Variants in OR56A3 observed in about 807,000 individuals in gnomAD.
OR56A3 encodes olfactory receptor 56A3.
A neutral mutation model predicts 17.5 loss-of-function variants in OR56A3; 23 were observed. The ratio of observed to expected loss-of-function variants is 1.32; its 90% CI spans 0.95 to 1.87. The LOEUF (loss-of-function observed/expected upper bound fraction) is 1.87, where lower values mean the gene tolerates loss of function less well. Ranked by LOEUF, OR56A3 falls within the 40% of genes most tolerant of loss-of-function variation. OR56A3 has a pLI of 0.00. For missense variants in OR56A3, 366 were observed against 380.1 expected, an observed-to-expected ratio of 0.96 and a Z score of 0.31; for synonymous variants, 175 against 150.6, an observed-to-expected ratio of 1.16 and a Z score of -1.19.
rs1847904122 is a variant in OR56A3, at chr11:5,950,929, T to C, written c.*2635T>C. 1 of 152,142 alleles carries C rather than the reference T, an allele frequency of 6.6e-6. No individual in the cohort carries two copies. The highest frequency in any genetic ancestry group is 1.5e-5 in the Non-Finnish European group (1 of 67,990). The allele number at this position is 152,142 out of a possible 1,614,324, so 9.4% of individuals were successfully genotyped here. Reference sequence around the variant, plus strand: ...ATAAAGTTAATTAGAAAATATGTATTCTTCTTGAAATACATCTTATAATAC... The same window carrying C: ...ATAAAGTTAATTAGAAAATATGTATCCTTCTTGAAATACATCTTATAATAC... On this transcript the variant is annotated 3_prime_UTR_variant, in exon 3 of 3. Coordinates refer to ENST00000641160, the MANE Select transcript of OR56A3 (RefSeq NM_001003443.3).
chr11:5,968,362 TG>T, the OR56A3 span: 19 of 1,613,744 alleles, frequency 1.2e-5, no homozygotes, highest in Admixed American at 1.7e-5. Flanking sequence ...AGGGTGGCAT[TG>T]GCCCCCATGG....
the OR56A3 span, among the ~76,000 whole-genome samples, chr11:5,991,150 A>G: frequency 6.6e-6 from 1 of 152,244 alleles, no homozygotes; most frequent in African/African-American, 2.4e-5. Flanking sequence ...TTCCAAAGAT[A>G]TGAAACATGA....
At chr11:5,964,434 C>T in the OR56A3 span, among the ~76,000 whole-genome samples, 2 of 152,184 alleles carry the variant, frequency 1.3e-5, no homozygotes, top group African/African-American at 4.8e-5. Flanking sequence ...GTCCCTAAGC[C>T]TGTAATCCCT....
In OR56A3 at chr11:5,948,405, T is replaced by C. The variant is rs1315023067; in HGVS notation, c.*111T>C. ...ACTTATAACCTCAAACTGGGTACAC[T>C]AGATATTGTGTGTGCTTTTCAAAAA... On this transcript the variant is annotated 3_prime_UTR_variant, in exon 3 of 3. Coordinates refer to ENST00000641160, the MANE Select transcript of OR56A3 (RefSeq NM_001003443.3). 1 of 688,140 alleles carries C rather than the reference T, an allele frequency of 1.5e-6. No individual in the cohort carries two copies. The highest frequency in any genetic ancestry group is 1.8e-5 in the African/African-American group (1 of 55,340). 42.6% of individuals were successfully genotyped at this position (688,140 alleles called of 1,614,324 possible).
chr11:5,983,001 G>A, the OR56A3 span, among the ~76,000 whole-genome samples: 4 of 151,866 alleles, frequency 2.6e-5, no homozygotes, highest in African/African-American at 4.8e-5. Flanking sequence ...CCAAAGATCT[G>A]CCCAAAGTGT....
the OR56A3 span, among the ~76,000 whole-genome samples, chr11:5,960,879 C>T: frequency 1.3e-5 from 2 of 151,972 alleles, no homozygotes; most frequent in Admixed American, 6.5e-5. Context: ...CTCGCCGCCC[C>T]GTCTGAGATG....
At chr11:5,967,731 G>C in the OR56A3 span, 8 of 1,611,276 alleles carry the variant, frequency 5.0e-6, no homozygotes, top group Admixed American at 3.4e-5. Context: ...CAGGACTGTG[G>C]TGAAGAAGAG....
chr11:5,997,159 G>A, the OR56A3 span, among the ~76,000 whole-genome samples: 1 of 152,184 alleles, frequency 6.6e-6, no homozygotes, highest in Non-Finnish European at 1.5e-5. Flanking sequence ...AATGGGTAGT[G>A]TACAGCTCAC....
chr11:5,963,044 C>G, the OR56A3 span, among the ~76,000 whole-genome samples: 1 of 151,668 alleles, frequency 6.6e-6, no homozygotes, highest in Admixed American at 6.6e-5. Flanking sequence ...GTTGCAGTGT[C>G]CCCCTTTTCA....
At chr11:5,986,259 C>G in the OR56A3 span, 2 of 1,613,932 alleles carry the variant, frequency 1.2e-6, no homozygotes, top group Non-Finnish European at 1.7e-6. Context: ...CCAGCCCAAT[C>G]ACAAGCAAGG....
the OR56A3 span, among the ~76,000 whole-genome samples, chr11:5,978,220 G>C: frequency 6.6e-6 from 1 of 152,032 alleles, no homozygotes. Flanking sequence ...TTTTACAATA[G>C]TTTTTTTCTG....
chr11:5,985,885 C>T, the OR56A3 span: 2 of 1,492,130 alleles, frequency 1.3e-6, no homozygotes, highest in Non-Finnish European at 1.8e-6. Context: ...GTCACAGGCT[C>T]CTGGCTGTGG....
At chr11:5,971,494 G>A in the OR56A3 span, among the ~76,000 whole-genome samples, 1 of 152,010 alleles carries the variant, frequency 6.6e-6, no homozygotes, top group South Asian at 2.1e-4. Flanking sequence ...CCCTCACATT[G>A]TGGAGAATTA....
At chr11:5,996,027 C>T in the OR56A3 span, among the ~76,000 whole-genome samples, 1 of 152,064 alleles carries the variant, frequency 6.6e-6, no homozygotes, top group Non-Finnish European at 1.5e-5. Flanking sequence ...ATATAGTGTC[C>T]TCCAGGCTCA....
chr11:5,977,668 G>A, the OR56A3 span, among the ~76,000 whole-genome samples: 1 of 152,090 alleles, frequency 6.6e-6, no homozygotes, highest in African/African-American at 2.4e-5. Context: ...TAGGTTATCT[G>A]TTTACTGTAT....
chr11:5,961,172 T>C, the OR56A3 span, among the ~76,000 whole-genome samples: 126 of 149,808 alleles, frequency 8.4e-4, 2 homozygotes, highest in East Asian at 0.019. Flanking sequence ...GTCTGGGAGG[T>C]GGGGGGCCCC....
At chr11:6,013,098 G>C in the OR56A3 span, among the ~76,000 whole-genome samples, 72 of 152,334 alleles carry the variant, frequency 4.7e-4, no homozygotes, top group Middle Eastern at 3.4e-3. Context: ...TGGGACTCCT[G>C]CCCAAGAGCA....
downstream of OR56A3, among the ~76,000 whole-genome samples, chr11:5,953,278 A>G (rs1228172476): frequency 6.6e-6 from 1 of 152,180 alleles, no homozygotes; most frequent in African/African-American, 2.4e-5. Flanking sequence ...AACAGCTTAT[A>G]TGCATTTCCC....
the OR56A3 span, chr11:5,968,318 G>T: frequency 6.2e-7 from 1 of 1,613,036 alleles, no homozygotes; most frequent in Non-Finnish European, 8.5e-7. Context: ...ACAGGGGCTG[G>T]TGCAGAGAGG....
Sources: gnomAD v4.1 joint callset for allele counts (sites outside exome capture counted in the v4.1 genomes callset) on GRCh38, gnomAD v4.1.1 for gene constraint, MANE v1.5 for transcripts, NCBI Gene and HGNC (gene_info 2026-07-23, HGNC 2026-07-21) for gene names.